NKAIN2: variants seen among roughly 807,000 people sequenced by gnomAD.
NKAIN2 encodes the protein sodium/potassium-transporting ATPase subunit beta-1-interacting protein 2.
In NKAIN2, 14 loss-of-function variants were observed where a neutral mutation model predicts 32.6. The observed-to-expected ratio is 0.43, with a 90% CI of 0.28 to 0.67. NKAIN2 has a LOEUF of 0.67. Among genes scored for constraint, NKAIN2 ranks in the 30% least tolerant of loss-of-function variants. The probability of loss-of-function intolerance (pLI) is 0.17; values close to 1 mark genes in which losing one functional copy is unlikely to be tolerated. For synonymous variants in NKAIN2, 80 were observed against 87.2 expected (o/e 0.92, Z 0.46); for missense variants, 198 against 258.3 (o/e 0.77, Z 1.60).
intron 3 of NKAIN2, among the ~76,000 whole-genome samples, chr6:124,381,027 T>C (rs1772611295): frequency 6.6e-6 from 1 of 152,206 alleles, no homozygotes; most frequent in South Asian, 2.1e-4. Context: ...GAAATTGCTC[T>C]TCCCTTTACT....
Position 124,005,473 on chromosome 6 carries a change from G to A in NKAIN2, c.54+201219G>A, listed in dbSNP as rs552468836. 3.3e-5 allele frequency among the ~76,000 whole-genome samples: 5 copies of A among 151,968 alleles called. 1 individual carries two copies. Among genetic ancestry groups the A allele is most frequent in the African/African-American group, 1.2e-4 (5 of 41,438 alleles). On this transcript the variant is annotated intron_variant, in intron 1 of 6. Coordinates refer to ENST00000368417, the MANE Select transcript of NKAIN2 (RefSeq NM_001040214.3). ...TGTGTATCATATAATATATATGTATGCCATATGCCATATTATAGTCTCTTA... is the reference window on the plus strand; with the variant it reads ...TGTGTATCATATAATATATATGTATACCATATGCCATATTATAGTCTCTTA...
intron 1 of NKAIN2, among the ~76,000 whole-genome samples, chr6:123,970,165 C>G (rs1221819645): frequency 2.6e-5 from 4 of 151,640 alleles, no homozygotes; most frequent in African/African-American, 9.7e-5. Flanking sequence ...AGATACACAT[C>G]AAATTCAGCC....
rs549386518 is a variant in NKAIN2, at chr6:124,204,356, T to C, written c.55-78649T>C. On this transcript the variant is annotated intron_variant, in intron 1 of 6. Coordinates refer to ENST00000368417, the MANE Select transcript of NKAIN2 (RefSeq NM_001040214.3). ...AGACATGAAATAAGCCATTTACCTATGGGACCAGTAAATTACAGATTTTTT... is the reference window on the plus strand; with the variant it reads ...AGACATGAAATAAGCCATTTACCTACGGGACCAGTAAATTACAGATTTTTT... Among the ~76,000 whole-genome samples the C allele has an allele frequency of 3.3e-5, 5 of 151,896 alleles. No homozygotes were observed. The South Asian group carries it at 8.3e-4, about 25-fold the overall frequency.
intron 3 of NKAIN2, among the ~76,000 whole-genome samples, chr6:124,481,623 T>C (rs1403841519): frequency 6.6e-6 from 1 of 152,190 alleles, no homozygotes; most frequent in African/African-American, 2.4e-5. Flanking sequence ...TGTTTCTTGT[T>C]TCAGAGATTA....
intron 1 of NKAIN2, among the ~76,000 whole-genome samples, chr6:123,911,964 T>A (rs1775236698): frequency 1.3e-5 from 2 of 151,146 alleles, no homozygotes; most frequent in Non-Finnish European, 2.9e-5. Flanking sequence ...TGGACTAAAG[T>A]TTATGGTCCA....
intron 4 of NKAIN2, among the ~76,000 whole-genome samples, chr6:124,742,154 A>ATT (rs1192216422): frequency 6.6e-6 from 1 of 151,846 alleles, no homozygotes; most frequent in Non-Finnish European, 1.5e-5. Context: ...GTGCTTGTTA[A>ATT]TTTTGCACTA....
intron 3 of NKAIN2, among the ~76,000 whole-genome samples, chr6:124,584,128 C>T (rs1419797072): frequency 2.0e-5 from 3 of 151,994 alleles, no homozygotes; most frequent in African/African-American, 7.2e-5. Flanking sequence ...GCAACCCAAG[C>T]AAAAATGGAC....
intron 4 of NKAIN2, among the ~76,000 whole-genome samples, chr6:124,720,819 T>C (rs968656794): frequency 2.6e-5 from 4 of 152,188 alleles, no homozygotes; most frequent in Admixed American, 2.0e-4. Flanking sequence ...CAGGATTCAG[T>C]ATGAGAATAT....
intron 4 of NKAIN2, among the ~76,000 whole-genome samples, chr6:124,759,142 C>T (rs1778101674): frequency 6.6e-6 from 1 of 152,138 alleles, no homozygotes; most frequent in African/African-American, 2.4e-5. Context: ...TCTAACTCTA[C>T]AGAACACCTC....
chr6:124,254,441 G>A (rs768079317), intron 1 of NKAIN2, among the ~76,000 whole-genome samples: 4 of 152,142 alleles, frequency 2.6e-5, no homozygotes, highest in Non-Finnish European at 5.9e-5. Context: ...GCTTTTTGTG[G>A]TGGGAGGCAC....
chr6:124,167,683 G>A (rs533518370), intron 1 of NKAIN2, among the ~76,000 whole-genome samples: 3 of 152,100 alleles, frequency 2.0e-5, no homozygotes, highest in Non-Finnish European at 4.4e-5. Context: ...ATTATTTTGA[G>A]ATATGTCCCA....
At chr6:123,967,358 AT>A in intron 1 of NKAIN2, among the ~76,000 whole-genome samples, 1 of 152,190 alleles carries the variant, frequency 6.6e-6, no homozygotes, top group African/African-American at 2.4e-5. Flanking sequence ...GGTTTTTCTG[AT>A]TCTTTTCTTC....
intron 1 of NKAIN2, among the ~76,000 whole-genome samples, chr6:124,177,035 G>A (rs973036392): frequency 5.9e-5 from 9 of 151,782 alleles, no homozygotes; most frequent in African/African-American, 1.9e-4. Flanking sequence ...TTCAGACTAC[G>A]TGTCCTACTT....
chr6:123,820,382 A>C (rs1427755881), intron 1 of NKAIN2, among the ~76,000 whole-genome samples: 1 of 152,236 alleles, frequency 6.6e-6, no homozygotes, highest in East Asian at 1.9e-4. Context: ...CTTTATGATG[A>C]AATTAAAAGG....
At chr6:124,692,207 T>C (rs1774288548) in intron 4 of NKAIN2, among the ~76,000 whole-genome samples, 1 of 152,200 alleles carries the variant, frequency 6.6e-6, no homozygotes. Flanking sequence ...ATTCCACTAC[T>C]ATTTTTTAAA....
rs185593012 is a variant in NKAIN2 at position 124,089,031 on chromosome 6, T to A, written c.55-193974T>A. ...ATATCCTCTGCTTCCTCCAGAAATG[T>A]TGTGCAAAACATGGCCAACATGGTT... On this transcript the variant is annotated intron_variant, in intron 1 of 6. Transcript: ENST00000368417. Among the ~76,000 whole-genome samples, 93 of 152,188 alleles carry A rather than the reference T, an allele frequency of 6.1e-4. 1 individual carries two copies. Among genetic ancestry groups the A allele is most frequent in the Admixed American group, 3.7e-3 (56 of 15,252 alleles).
chr6:124,197,130 A>G (rs926734367), intron 1 of NKAIN2, among the ~76,000 whole-genome samples: 6 of 151,788 alleles, frequency 4.0e-5, no homozygotes, highest in African/African-American at 1.4e-4. Flanking sequence ...ATTGTAGAAA[A>G]TAATATTTTG....
chr6:124,482,452 T>C (rs1344501550), intron 3 of NKAIN2, among the ~76,000 whole-genome samples: 2 of 152,198 alleles, frequency 1.3e-5, no homozygotes, highest in East Asian at 1.9e-4. Context: ...AGCCAAAGTG[T>C]AGACCACAAA....
chr6:124,205,362 TA>T (rs57900235), intron 1 of NKAIN2, among the ~76,000 whole-genome samples: 8 of 95,262 alleles, frequency 8.4e-5, no homozygotes, highest in African/African-American at 2.2e-4. Context: ...TCTTAGGTGC[TA>T]AAAAAAAATC....
Sources: allele counts gnomAD v4.1 joint callset (sites outside exome capture counted in the v4.1 genomes callset), GRCh38; gene constraint gnomAD v4.1.1; transcripts MANE v1.5; gene names NCBI Gene and HGNC (gene_info 2026-07-23, HGNC 2026-07-21).